The following NLRP14 variants were observed in gnomAD, a reference collection of about 807,000 sequenced individuals.
NLRP14 encodes the protein NLR family pyrin domain containing 14.
NLRP14 carries 105 observed loss-of-function variants against 94.7 expected under a neutral mutation model. That is an observed-to-expected ratio of 1.11 (90% CI 0.95 to 1.30). The LOEUF (loss-of-function observed/expected upper bound fraction) is 1.30. Ranked by LOEUF, NLRP14 falls within the 50% of genes most tolerant of loss-of-function variation. NLRP14 has a pLI of 0.00. For missense variants in NLRP14, 1,362 were observed against 1,254.1 expected, an observed-to-expected ratio of 1.09 and a Z score of -1.30; for synonymous variants, 508 against 459.9, an observed-to-expected ratio of 1.10 and a Z score of -1.34.
chr11:7,049,189 T>A (rs1393366033), intron 5 of NLRP14, among the ~76,000 whole-genome samples: 1 of 152,162 alleles, frequency 6.6e-6, no homozygotes, highest in African/African-American at 2.4e-5. Context: ...CAGATTTAAC[T>A]TCATAATATT....
chr11:7,078,619 G>A, the NLRP14 span, among the ~76,000 whole-genome samples: 6 of 151,334 alleles, frequency 4.0e-5, no homozygotes, highest in Admixed American at 1.3e-4. Context: ...GTGAAACCCC[G>A]TCTCTACTAA....
chr11:7,045,559 G>A (rs963350722), intron 4 of NLRP14, among the ~76,000 whole-genome samples: 1 of 152,002 alleles, frequency 6.6e-6, no homozygotes, highest in Non-Finnish European at 1.5e-5. Context: ...TTCGCACAGA[G>A]GAAACACTTG....
At chr11:7,028,518 G>A (rs1481353323) in intron 1 of NLRP14, among the ~76,000 whole-genome samples, 1 of 152,044 alleles carries the variant, frequency 6.6e-6, no homozygotes, top group Non-Finnish European at 1.5e-5. Context: ...TATAGAACCA[G>A]GATGATTCTC....
the NLRP14 span, among the ~76,000 whole-genome samples, chr11:7,087,098 A>AG: frequency 6.6e-6 from 1 of 152,186 alleles, no homozygotes; most frequent in Non-Finnish European, 1.5e-5. Flanking sequence ...TATCTTCCTG[A>AG]GGGGCCTGGA....
At chr11:7,089,965 C>T in the NLRP14 span, 2 of 1,613,128 alleles carry the variant, frequency 1.2e-6, no homozygotes, top group Non-Finnish European at 1.7e-6. Flanking sequence ...CATCGAGAGC[C>T]CTTTGAGAGC....
At chr11:7,027,397 T>C (rs1852031490) in intron 1 of NLRP14, among the ~76,000 whole-genome samples, 3 of 152,072 alleles carry the variant, frequency 2.0e-5, no homozygotes, top group African/African-American at 7.2e-5. Flanking sequence ...GGCTGTCTTC[T>C]TGTAGAGTCC....
the NLRP14 span, among the ~76,000 whole-genome samples, chr11:7,079,996 T>C: frequency 6.6e-6 from 1 of 152,004 alleles, no homozygotes; most frequent in Non-Finnish European, 1.5e-5. Context: ...ATGTGGGCTG[T>C]ATAGATAAGG....
At chr11:7,037,194 T>C (rs1852173479) in intron 1 of NLRP14, among the ~76,000 whole-genome samples, 1 of 152,242 alleles carries the variant, frequency 6.6e-6, no homozygotes, top group Admixed American at 6.5e-5. Flanking sequence ...TTTTCCTTTA[T>C]GCTTTTTAAA....
chr11:7,062,200 T>TGGGAG (rs1852632755), intron 9 of NLRP14, 133 bp from the exon 10 acceptor site: 1 of 742,904 alleles, frequency 1.3e-6, no homozygotes. Context: ...AATTAGACCC[T>TGGGAG]CCCATGTATG....
chr11:7,064,167 C>G (rs937880779), intron 10 of NLRP14, among the ~76,000 whole-genome samples: 11 of 152,124 alleles, frequency 7.2e-5, no homozygotes, highest in African/African-American at 2.7e-4. Context: ...GTTCTAGCAT[C>G]AAGAGAAGCT....
the NLRP14 span, chr11:7,089,951 C>T: frequency 4.3e-6 from 7 of 1,612,988 alleles, no homozygotes; most frequent in Non-Finnish European, 5.9e-6. Context: ...TGAGCAGAGG[C>T]TCCCATCGAG....
rs769143029 is a variant in NLRP14 at position 7,043,799 on chromosome 11, TA to T, written c.1776del (p.Ala593ArgfsTer3). 2.5e-6 allele frequency: 4 copies of T among 1,614,218 alleles called. No individual in the cohort carries two copies. The Admixed American group carries it at 6.7e-5, about 27-fold the overall frequency. ...TTCACTGTCTGTATGAGACTCAAGA[TA>T]AAGCGTTTATAAGCCAGGCAATGAG... Reference protein sequence around the residue: ...LFHCLYETQDKAFISQAMRCF... With the variant: ...LFHCLYETQDXAFISQAMRCF... On this transcript the variant is annotated frameshift_variant, in exon 4 of 12. Coordinates refer to ENST00000299481, the MANE Select transcript of NLRP14 (RefSeq NM_176822.4). LOFTEE classifies it high-confidence loss of function.
Position 7,059,878 on chromosome 11 carries a change from A to G in NLRP14, c.2634-16A>G, listed in dbSNP as rs186822743. 3.8e-3 allele frequency: 6,107 copies of G among 1,606,732 alleles called. 56 individuals are homozygous for G. The highest frequency in any genetic ancestry group is 0.013 in the Middle Eastern group (78 of 6,048). ...GAGCAATGATTCCATCTTTCTTCACATTGTCCTTCCTGTAGGCTGAGGCGT... is the reference window on the plus strand; with the variant it reads ...GAGCAATGATTCCATCTTTCTTCACGTTGTCCTTCCTGTAGGCTGAGGCGT... On this transcript the variant is annotated splice_polypyrimidine_tract_variant and intron_variant, in intron 8 of 11. Coordinates refer to ENST00000299481, the MANE Select transcript of NLRP14 (RefSeq NM_176822.4).
At chr11:7,086,185 T>G in the NLRP14 span, among the ~76,000 whole-genome samples, 1 of 152,260 alleles carries the variant, frequency 6.6e-6, no homozygotes, top group Admixed American at 6.5e-5. Flanking sequence ...TTCCAATTTC[T>G]CCACATCCTT....
intron 8 of NLRP14, among the ~76,000 whole-genome samples, chr11:7,058,992 G>T (rs1016113595): frequency 4.0e-5 from 6 of 151,824 alleles, no homozygotes; most frequent in Admixed American, 3.9e-4. Context: ...GCAGTCTAGG[G>T]ACCTGCACTT....
In NLRP14 at chr11:7,049,836, C is replaced by T; in HGVS notation, c.2289C>T (p.Leu763=). The change falls in exon 6 of 12, where the codon CTC becomes CTT. Residue 763 remains leucine (L), a splice_region_variant and synonymous_variant. Transcript: ENST00000299481. ...LKHPECKLQT[L]RLESCNLTVF... Reference sequence around the variant, plus strand: ...ACCCAGAGTGTAAACTACAGACTCTCAGGTAAGCTTTGAATTGTTTTGTCT... The same window carrying T: ...ACCCAGAGTGTAAACTACAGACTCTTAGGTAAGCTTTGAATTGTTTTGTCT... The T allele has an allele frequency of 2.5e-6, 4 of 1,611,520 alleles. No individual in the cohort carries two copies. The highest frequency in any genetic ancestry group is 2.5e-6 in the Non-Finnish European group (3 of 1,177,708).
chr11:7,025,076 T>C (rs1383233503), intron 1 of NLRP14, among the ~76,000 whole-genome samples: 1 of 152,114 alleles, frequency 6.6e-6, no homozygotes, highest in Non-Finnish European at 1.5e-5. Flanking sequence ...TGAGAAGGCA[T>C]GAATGTAGAC....
chr11:7,043,329 A>G lies in NLRP14; in HGVS notation c.1303A>G (p.Ile435Val). ...ACTGTGCCAAGTCGCTGCCAAAGGA[A>G]TATGGACTATGACTTACGTGTTTTA... ...RRLCQVAAKG[I>V]WTMTYVFYRE... The change falls in exon 4 of 12, where the codon ATA becomes GTA. Residue 435 changes from isoleucine to valine, a missense_variant. By Grantham distance (29) the Ile-to-Val change is conservative. Coordinates refer to ENST00000299481, the MANE Select transcript of NLRP14 (RefSeq NM_176822.4). 6.2e-7 allele frequency: 1 copy of G among 1,614,182 alleles called. No individual in the cohort carries two copies. Among genetic ancestry groups the G allele is most frequent in the South Asian group, 1.1e-5 (1 of 91,076 alleles).
the NLRP14 span, among the ~76,000 whole-genome samples, chr11:7,083,315 A>G: frequency 5.9e-5 from 9 of 152,370 alleles, no homozygotes; most frequent in East Asian, 1.7e-3. Context: ...CTACTGAATT[A>G]TTATATTACT....
Sources: gnomAD v4.1 joint callset for allele counts (sites outside exome capture counted in the v4.1 genomes callset) on GRCh38, gnomAD v4.1.1 for gene constraint, MANE v1.5 for transcripts, NCBI Gene and HGNC (gene_info 2026-07-23, HGNC 2026-07-21) for gene names.